IL1RAPL2: variants seen among roughly 807,000 people sequenced by gnomAD.
The protein encoded by IL1RAPL2 is interleukin 1 receptor accessory protein like 2.
In IL1RAPL2, 3 loss-of-function variants were observed where a neutral mutation model predicts 44.1. The ratio of observed to expected loss-of-function variants is 0.07; its 90% CI spans 0.03 to 0.18. The LOEUF (loss-of-function observed/expected upper bound fraction) is 0.18. Among genes scored for constraint, IL1RAPL2 ranks in the 10% least tolerant of loss-of-function variants. IL1RAPL2 has a pLI of 1.00. For synonymous variants in IL1RAPL2, 181 were observed against 178.8 expected (o/e 1.01, Z -0.10); for missense variants, 391 against 496.4 (o/e 0.79, Z 2.02).
intron 1 of IL1RAPL2, among the ~76,000 whole-genome samples, chrX:104,625,124 C>T (rs1432202118): frequency 9.0e-6 from 1 of 111,182 alleles, no homozygotes; most frequent in Admixed American, 9.7e-5. Flanking sequence ...GAACTTATCC[C>T]TCCCTCACTC....
chrX:105,268,487 C>T lies in IL1RAPL2; in HGVS notation c.697+946C>T, dbSNP rs148947431. On this transcript the variant is annotated intron_variant, in intron 5 of 10. Coordinates refer to ENST00000372582, the MANE Select transcript of IL1RAPL2 (RefSeq NM_017416.2). ...TAATAATGTTGTATGCTGAGGCCAG[C>T]GCAGTGGTTCATGCCTGTAATCAAT... is the stretch of plus-strand genomic sequence containing the variant. 3.4e-3 allele frequency among the ~76,000 whole-genome samples: 375 copies of T among 110,656 alleles called. 1 individual carries two copies. The highest frequency in any genetic ancestry group is 0.012 in the African/African-American group (361 of 30,454).
intron 5 of IL1RAPL2, among the ~76,000 whole-genome samples, chrX:105,351,944 A>C (rs909561297): frequency 9.0e-6 from 1 of 110,836 alleles, no homozygotes; most frequent in Non-Finnish European, 1.9e-5. Flanking sequence ...CCCACTTTTT[A>C]TTTTTATTTT....
chrX:105,181,572 CAG>C (rs1266998961), intron 2 of IL1RAPL2, among the ~76,000 whole-genome samples: 4 of 111,871 alleles, frequency 3.6e-5, no homozygotes, highest in Non-Finnish European at 7.5e-5. Context: ...TTCACTAACA[CAG>C]TGGTTGTTCA....
At chrX:105,220,465 C>A in intron 3 of IL1RAPL2, 1 of 945,776 alleles carries the variant, frequency 1.1e-6, no homozygotes, top group Non-Finnish European at 1.4e-6. Flanking sequence ...TTCCTTTCCT[C>A]CCCCTTAGCC....
chrX:105,173,327 T>G (rs757739420), intron 2 of IL1RAPL2, among the ~76,000 whole-genome samples: 1 of 112,016 alleles, frequency 8.9e-6, no homozygotes, highest in Admixed American at 9.4e-5. Flanking sequence ...CCGTGGATGG[T>G]TCAGGACAGA....
chrX:104,916,078 T>C (rs1482756851), intron 2 of IL1RAPL2, among the ~76,000 whole-genome samples: 1 of 111,820 alleles, frequency 8.9e-6, no homozygotes, highest in East Asian at 2.8e-4. Context: ...ATATGAACTT[T>C]AAAGTAGTTT....
At chrX:104,936,621 CTTT>C (rs1186693127) in intron 2 of IL1RAPL2, among the ~76,000 whole-genome samples, 1 of 88,578 alleles carries the variant, frequency 1.1e-5, no homozygotes. Context: ...TTACCAGACT[CTTT>C]TTTTTTTTTT....
intron 2 of IL1RAPL2, among the ~76,000 whole-genome samples, chrX:104,901,199 C>CTT (rs1194148816): frequency 0.017 from 531 of 32,107 alleles, 90 homozygotes; most frequent in African/African-American, 0.068. Context: ...TCTTTTGCTT[C>CTT]TTTTTTTTTT....
At chrX:105,602,330 G>A (rs1160771646) in intron 6 of IL1RAPL2, among the ~76,000 whole-genome samples, 1 of 109,768 alleles carries the variant, frequency 9.1e-6, no homozygotes, top group African/African-American at 3.3e-5. Flanking sequence ...TAGCTCACAT[G>A]GCACCCTGTA....
intron 6 of IL1RAPL2, among the ~76,000 whole-genome samples, chrX:105,688,136 G>A (rs2037999840): frequency 9.0e-6 from 1 of 111,660 alleles, no homozygotes; most frequent in South Asian, 3.8e-4. Context: ...GCAAAAACTA[G>A]AAGCATTCCC....
intron 2 of IL1RAPL2, among the ~76,000 whole-genome samples, chrX:104,750,276 C>T (rs141817894): frequency 1.8e-4 from 20 of 111,318 alleles, no homozygotes; most frequent in African/African-American, 6.5e-4. Context: ...CACCATTCAG[C>T]CTTTTATTTG....
chrX:105,312,711 C>T (rs1363533318), intron 5 of IL1RAPL2, among the ~76,000 whole-genome samples: 1 of 110,676 alleles, frequency 9.0e-6, no homozygotes, highest in Non-Finnish European at 1.9e-5. Context: ...TTTGCATAAC[C>T]TTATATAGTT....
chrX:105,012,786 A>G (rs1341367394), intron 2 of IL1RAPL2, among the ~76,000 whole-genome samples: 1 of 110,511 alleles, frequency 9.0e-6, no homozygotes, highest in Non-Finnish European at 1.9e-5. Context: ...TAATTGGTCA[A>G]TGAAGTCAGA....
intron 2 of IL1RAPL2, among the ~76,000 whole-genome samples, chrX:104,902,963 T>C (rs1483521403): frequency 9.0e-6 from 1 of 111,518 alleles, no homozygotes; most frequent in Non-Finnish European, 1.9e-5. Context: ...TTTAAAAGAG[T>C]ATCTTCAATG....
chrX:105,350,463 C>A (rs2035143866), intron 5 of IL1RAPL2, among the ~76,000 whole-genome samples: 1 of 112,468 alleles, frequency 8.9e-6, no homozygotes, highest in Non-Finnish European at 1.9e-5. Flanking sequence ...GTGGCTCACG[C>A]CCGTAATCCC....
At chrX:104,711,136 T>C (rs1931449274) in intron 2 of IL1RAPL2, among the ~76,000 whole-genome samples, 1 of 111,460 alleles carries the variant, frequency 9.0e-6, no homozygotes, top group East Asian at 2.8e-4. Flanking sequence ...TGTGTTACAA[T>C]TGCCTACAAT....
At chrX:105,228,124 T>C (rs782451766) in intron 3 of IL1RAPL2, among the ~76,000 whole-genome samples, 2 of 112,376 alleles carry the variant, frequency 1.8e-5, no homozygotes, top group Admixed American at 1.9e-4. Flanking sequence ...GATCGATTAA[T>C]TGATGTTATA....
intron 2 of IL1RAPL2, among the ~76,000 whole-genome samples, chrX:104,986,208 A>T (rs897403899): frequency 1.8e-5 from 2 of 111,622 alleles, no homozygotes; most frequent in Admixed American, 9.5e-5. Context: ...GATTTGCTTC[A>T]CTATCCTGAC....
At chrX:105,004,611 T>C (rs1041254274) in intron 2 of IL1RAPL2, among the ~76,000 whole-genome samples, 2 of 110,783 alleles carry the variant, frequency 1.8e-5, no homozygotes, top group Non-Finnish European at 3.8e-5. Flanking sequence ...GAATGAAAAT[T>C]TTGAGGAGTA....
Sources: allele counts gnomAD v4.1 joint callset (sites outside exome capture counted in the v4.1 genomes callset), GRCh38; gene constraint gnomAD v4.1.1; transcripts MANE v1.5; gene names NCBI Gene and HGNC (gene_info 2026-07-23, HGNC 2026-07-21).